Variants in IVD observed in about 807,000 individuals in gnomAD.
IVD encodes isovaleryl-CoA dehydrogenase, mitochondrial.
In IVD, 31 loss-of-function variants were observed where a neutral mutation model predicts 51.3. The observed-to-expected ratio is 0.60, with a 90% CI of 0.45 to 0.81. The LOEUF is 0.81. Ranked by LOEUF, IVD falls within the 40% of genes least tolerant of loss-of-function variation. The pLI is 0.00. For missense variants in IVD, 475 were observed against 552.0 expected (o/e 0.86, Z 1.40); for synonymous variants, 205 against 219.4 (o/e 0.93, Z 0.58).
intron 2 of IVD, 84 bp downstream of exon 2, chr15:40,407,809 T>G (rs1263196128): frequency 3.8e-5 from 55 of 1,458,826 alleles, no homozygotes; most frequent in Admixed American, 2.0e-4. Context: ...CACACAGTTT[T>G]CTGGTAAATG....
At chr15:40,418,106 T>C (rs1566943316) in intron 11 of IVD, 24 bp from the exon 12 acceptor site, 4 of 1,613,878 alleles carry the variant, frequency 2.5e-6, no homozygotes, top group African/African-American at 1.3e-5. Flanking sequence ...CTTCCTTTCT[T>C]CTCTGCCCAA....
In IVD at chr15:40,414,962, G is replaced by A; in HGVS notation, c.858G>A (p.Val286=). ...LMSGLDLERL[V]LAGGPLGLMQ... ...GTGGGCTGGACCTGGAGCGGCTGGT[G>A]CTGGCCGGGGGGCCTCTTGGGTAAG... is the stretch of plus-strand genomic sequence containing the variant. The change falls in exon 8 of 12, where the codon GTG becomes GTA. Residue 286 remains valine (V), a synonymous_variant. Transcript: ENST00000487418. The A allele has an allele frequency of 6.2e-7, 1 of 1,614,018 alleles. No homozygotes were observed. Among genetic ancestry groups the A allele is most frequent in the Non-Finnish European group, 8.5e-7 (1 of 1,179,994 alleles).
Position 40,411,170 on chromosome 15 carries a change from G to T in IVD, c.457-90G>T. 4.7e-6 allele frequency: 6 copies of T among 1,279,862 alleles called. No individual in the cohort carries two copies. In the South Asian group the frequency reaches 7.1e-5, roughly 15 times the overall value. 79.3% of individuals were successfully genotyped at this position (1,279,862 alleles called of 1,614,324 possible). ...TGGTCTGAGAGCGAAGTTTGAAGGG[G>T]TTTAATGTGGACAGGAAGAGGCAGT... On this transcript the variant is annotated intron_variant, in intron 4 of 11. Transcript: ENST00000487418.
downstream of IVD, among the ~76,000 whole-genome samples, chr15:40,424,817 C>G (rs1262253278): frequency 2.0e-5 from 3 of 152,252 alleles, no homozygotes; most frequent in African/African-American, 4.8e-5. Context: ...TCTCACTTAT[C>G]TGAACTCTCC....
chr15:40,426,143 T>G (rs575684542), downstream of IVD, among the ~76,000 whole-genome samples: 16 of 152,220 alleles, frequency 1.1e-4, no homozygotes, highest in South Asian at 3.3e-3. Flanking sequence ...TCTCTTCAAT[T>G]TTTTTTCTTG....
rs2141289918 is a variant in IVD at position 40,405,932 on chromosome 15, G to A, written c.105G>A (p.Val35=). Residue 35 remains valine (V), a synonymous_variant, in exon 1 of 12, where the codon GTG becomes GTA. Transcript: ENST00000487418. ...AGCGGGCCCACTCGCTTTTGCCCGT[G>A]GACGATGCAATCAATGGGCTAAGCG... ...VSQRAHSLLP[V]DDAINGLSEE... is the part of the protein sequence containing the mutation. The A allele has an allele frequency of 6.2e-7, 1 of 1,613,020 alleles. No individual in the cohort carries two copies. Among genetic ancestry groups the A allele is most frequent in the African/African-American group, 1.3e-5 (1 of 75,040 alleles).
intron 8 of IVD, among the ~76,000 whole-genome samples, chr15:40,435,174 G>A (rs1893197001): frequency 6.6e-6 from 1 of 152,194 alleles, no homozygotes; most frequent in Non-Finnish European, 1.5e-5. Context: ...TGCACCACCT[G>A]GGGTGGGGGA....
intron 9 of IVD, 55 bp downstream of exon 9, chr15:40,415,537 T>C: frequency 6.7e-7 from 1 of 1,501,378 alleles, no homozygotes; most frequent in Non-Finnish European, 9.2e-7. Flanking sequence ...AAGTTTTCTT[T>C]GAAAAGAGAG....
rs1566929253 is a variant in IVD, at chr15:40,405,826, A to G, written c.-2A>G. 1.2e-6 allele frequency: 2 copies of G among 1,611,656 alleles called. No individual in the cohort carries two copies. On this transcript the variant is annotated 5_prime_UTR_variant, in exon 1 of 12. Coordinates refer to ENST00000487418, the MANE Select transcript of IVD (RefSeq NM_002225.5). ...AGCGCTGGCTCTTCGTGCATGGCAG[A>G]GATGGCGACTGCGACTCGGCTGCTG...
Position 40,417,371 on chromosome 15 carries a change from A to T in IVD, c.1139-759A>T, listed in dbSNP as rs942139321. ...AAAAATACAAAAATTAGCTGGGTGC[A>T]GTGGTGCGCGCCTGTAATCCCAGCT... On this transcript the variant is annotated intron_variant, in intron 11 of 11. Coordinates refer to ENST00000487418, the MANE Select transcript of IVD (RefSeq NM_002225.5). Among the ~76,000 whole-genome samples the T allele has an allele frequency of 7.3e-5, 11 of 150,696 alleles. No individual in the cohort carries two copies. The East Asian group carries it at 7.8e-4, about 11-fold the overall frequency.
rs1011144878 is a variant in IVD at position 40,411,638 on chromosome 15, G to A, written c.634G>A (p.Asp212Asn). The part of the protein sequence containing the change: ...ADVLIVYAKT[D>N]LAAVPASRGI... ...CGTCCTGATTGTCTATGCCAAGACA[G>A]ATCTGGCTGCTGTGCCAGCTTCTCG... The change falls in exon 6 of 12, where the codon GAT becomes AAT. Residue 212 changes from aspartate (D) to asparagine (N), a missense_variant. Coordinates refer to ENST00000487418, the MANE Select transcript of IVD (RefSeq NM_002225.5). The A allele has an allele frequency of 3.1e-6, 5 of 1,614,130 alleles. No individual in the cohort carries two copies. In the African/African-American group the frequency reaches 6.7e-5, roughly 22 times the overall value.
Position 40,421,280 on chromosome 15 carries a change from A to T in IVD, c.*3017A>T. The T allele has an allele frequency of 2.1e-6, 2 of 957,282 alleles. No homozygotes were observed. The highest frequency in any genetic ancestry group is 2.4e-6 in the Non-Finnish European group (2 of 816,650). The allele number at this position is 957,282 out of a possible 1,614,324, so 59.3% of individuals were successfully genotyped here. ...ATATGTGAAGCAAAATAAATGTTTT[A>T]AAATTAAAAGCAAAAAAAACAAAAT... On this transcript the variant is annotated 3_prime_UTR_variant, in exon 12 of 12. Coordinates refer to ENST00000487418, the MANE Select transcript of IVD (RefSeq NM_002225.5).
At chr15:40,412,748 T>G in intron 6 of IVD, 2 of 513,524 alleles carry the variant, frequency 3.9e-6, no homozygotes, top group Non-Finnish European at 3.5e-6. Context: ...GAGCATATCA[T>G]TGAGAAAGAA....
chr15:40,411,401 A>G lies in IVD; in HGVS notation c.550+48A>G, dbSNP rs1478401414. On this transcript the variant is annotated intron_variant, in intron 5 of 11. Coordinates refer to ENST00000487418, the MANE Select transcript of IVD (RefSeq NM_002225.5). ...AGCCAAAATGGGCAGAGGTACAGAC[A>G]TTATCAGGATAATGGAGCAACAATT... The G allele has an allele frequency of 2.3e-5, 37 of 1,606,188 alleles. 1 individual carries two copies. Among genetic ancestry groups the G allele is most frequent in the Non-Finnish European group, 3.2e-5 (37 of 1,172,808 alleles).
intron 11 of IVD, among the ~76,000 whole-genome samples, chr15:40,417,604 C>T (rs1891848880): frequency 6.6e-6 from 1 of 151,940 alleles, no homozygotes; most frequent in Non-Finnish European, 1.5e-5. Context: ...CCATGCTGCT[C>T]TGTCATGTTT....
At position 40,419,151 on chromosome 15, in the gene IVD, A is replaced by G. The variant is rs1892034358; in HGVS notation, c.*888A>G. 1 of 1,289,054 alleles carries G rather than the reference A, an allele frequency of 7.8e-7. No homozygotes were observed. Among genetic ancestry groups the G allele is most frequent in the Non-Finnish European group, 1.0e-6 (1 of 988,674 alleles). The allele number at this position is 1,289,054 out of a possible 1,614,324, so 79.9% of individuals were successfully genotyped here. ...AACTCTTCAAAAAACAAAACAAAACAAAAAAACCCTGGCCCTTGTTTCTTC... is the reference window on the plus strand; with the variant it reads ...AACTCTTCAAAAAACAAAACAAAACGAAAAAACCCTGGCCCTTGTTTCTTC... On this transcript the variant is annotated 3_prime_UTR_variant, in exon 12 of 12. Coordinates refer to ENST00000487418, the MANE Select transcript of IVD (RefSeq NM_002225.5).
intron 6 of IVD, among the ~76,000 whole-genome samples, chr15:40,412,171 A>G (rs1471991396): frequency 1.3e-5 from 2 of 152,210 alleles, no homozygotes; most frequent in Non-Finnish European, 2.9e-5. Flanking sequence ...CAGAAGGAAA[A>G]AAAAGGGAAG....
chr15:40,435,303 G>A (rs1893204204), intron 8 of IVD: 1 of 689,094 alleles, frequency 1.5e-6, no homozygotes, highest in South Asian at 5.8e-5. Flanking sequence ...GAGGAGTGGA[G>A]CATGGGGGTC....
At chr15:40,413,180 A>G (rs1337873306) in intron 7 of IVD, 93 bp downstream of exon 7, 2 of 1,025,292 alleles carry the variant, frequency 2.0e-6, no homozygotes, top group Admixed American at 1.9e-5. Context: ...TGGGTTAGAG[A>G]GGCTTGGCAT....
Sources: gnomAD v4.1 joint callset for allele counts (sites outside exome capture counted in the v4.1 genomes callset) on GRCh38, gnomAD v4.1.1 for gene constraint, MANE v1.5 for transcripts, NCBI Gene and HGNC (gene_info 2026-07-23, HGNC 2026-07-21) for gene names.